MYOM2: variants seen among roughly 807,000 people sequenced by gnomAD.
The protein encoded by MYOM2 is myomesin 2.
MYOM2 carries 254 observed loss-of-function variants against 187.6 expected under a neutral mutation model. The ratio of observed to expected loss-of-function variants is 1.35; its 90% confidence interval spans 1.22 to 1.50. MYOM2 has a LOEUF of 1.50. MYOM2 is among the 40% of genes most tolerant of loss of function. MYOM2 has a pLI of 0.00. For synonymous variants in MYOM2, 981 were observed against 753.8 expected (o/e 1.30, Z -4.94); for missense variants, 2,796 against 1,924.0 (o/e 1.45, Z -8.48).
intron 32 of MYOM2, among the ~76,000 whole-genome samples, chr8:2,129,743 C>T (rs553241589): frequency 1.6e-4 from 25 of 152,300 alleles, no homozygotes; most frequent in African/African-American, 5.5e-4. Flanking sequence ...AGAAAACTAC[C>T]AGAGACTTCT....
In MYOM2 at chr8:2,096,437, C is replaced by A. The variant is rs762262377; in HGVS notation, c.2313+3C>A. 4 of 1,613,214 alleles carry A rather than the reference C, an allele frequency of 2.5e-6. No homozygotes were observed. In the African/African-American group the frequency reaches 5.3e-5, roughly 22 times the overall value. On this transcript the variant is annotated splice_donor_region_variant and intron_variant, in intron 18 of 36. Coordinates refer to ENST00000262113, the MANE Select transcript of MYOM2 (RefSeq NM_003970.4). Reference sequence around the variant, plus strand: ...CCAGCAAACCGACAATCCTAACGGTCAGTTGGTTTTTATTCCTTCGTCTAT... The same window carrying A: ...CCAGCAAACCGACAATCCTAACGGTAAGTTGGTTTTTATTCCTTCGTCTAT...
At chr8:2,061,649 A>C (rs1040979380) in intron 6 of MYOM2, among the ~76,000 whole-genome samples, 2 of 152,276 alleles carry the variant, frequency 1.3e-5, no homozygotes, top group African/African-American at 4.8e-5. Context: ...AGGAGCCTGC[A>C]TGGGGCCTGG....
intron 8 of MYOM2, among the ~76,000 whole-genome samples, chr8:2,070,029 C>A (rs1438825621): frequency 6.6e-6 from 1 of 152,192 alleles, no homozygotes; most frequent in Non-Finnish European, 1.5e-5. Context: ...CTAGGACCTG[C>A]CCTGGCCCTG....
At chr8:2,106,057 A>G (rs1796876834) in intron 21 of MYOM2, among the ~76,000 whole-genome samples, 185 bp from the exon 22 acceptor site, 2 of 152,176 alleles carry the variant, frequency 1.3e-5, no homozygotes, top group African/African-American at 4.8e-5. Context: ...AGTCACTATC[A>G]TGAGGACAGC....
At chr8:2,052,910 G>A (rs146392117) in intron 3 of MYOM2, among the ~76,000 whole-genome samples, 67 of 152,322 alleles carry the variant, frequency 4.4e-4, no homozygotes, top group African/African-American at 1.4e-3. Flanking sequence ...GAGGCAGCTC[G>A]TGGGGTGAAA....
rs1157882934 is a variant in MYOM2 at position 2,124,163 on chromosome 8, C to A, written c.3656-16C>A. On this transcript the variant is annotated splice_polypyrimidine_tract_variant and intron_variant, in intron 30 of 36. Coordinates refer to ENST00000262113, the MANE Select transcript of MYOM2 (RefSeq NM_003970.4). ...AGTTACATGTCGTAATGGTGCGTAT[C>A]CCTTCTCATTTTCAGTGTATGATGA... is the stretch of plus-strand genomic sequence containing the variant. 2 of 1,609,606 alleles carry A rather than the reference C, an allele frequency of 1.2e-6. No homozygotes were observed. The highest frequency in any genetic ancestry group is 8.5e-7 in the Non-Finnish European group (1 of 1,177,274).
rs779936406 is a variant in MYOM2 at position 2,072,344 on chromosome 8, G to A, written c.794-1G>A. The A allele has an allele frequency of 6.2e-7, 1 of 1,612,718 alleles. No homozygotes were observed. The highest frequency in any genetic ancestry group is 1.3e-5 in the African/African-American group (1 of 74,602). ...TGAAAGCCTCCATCGTTTCTGTGCA[G>A]TGCCCCTGTCATCGATGATTCCGTA... is the stretch of plus-strand genomic sequence containing the variant. On this transcript the variant is annotated splice_acceptor_variant, in intron 8 of 36. Transcript: ENST00000262113. LOFTEE classifies it high-confidence loss of function.
chr8:2,059,263 G>A lies in MYOM2; in HGVS notation c.653+18G>A, dbSNP rs375190907. ...ATCAACAGGTATGGCTGTGGTGGGG[G>A]CTCTGGACGCTGGCGTCCAGTAATC... On this transcript the variant is annotated intron_variant, in intron 6 of 36. Coordinates refer to ENST00000262113, the MANE Select transcript of MYOM2 (RefSeq NM_003970.4). 7 of 1,608,048 alleles carry A rather than the reference G, an allele frequency of 4.4e-6. No homozygotes were observed. The highest frequency in any genetic ancestry group is 1.3e-5 in the African/African-American group (1 of 74,832).
intron 28 of MYOM2, chr8:2,118,983 A>C (rs545099900): frequency 6.6e-6 from 1 of 152,242 alleles, no homozygotes; most frequent in African/African-American, 2.4e-5. Context: ...GTGAGAGGGA[A>C]GTGTACTGGA....
intron 13 of MYOM2, among the ~76,000 whole-genome samples, chr8:2,084,547 C>G (rs1051336050): frequency 6.6e-6 from 1 of 152,184 alleles, no homozygotes; most frequent in Non-Finnish European, 1.5e-5. Flanking sequence ...CACCTCCACT[C>G]CTTATGAAAA....
In MYOM2 at chr8:2,140,836, T is replaced by C; in HGVS notation, c.3914T>C (p.Ile1305Thr). 2 of 1,614,022 alleles carry C rather than the reference T, an allele frequency of 1.2e-6. No individual in the cohort carries two copies. Among genetic ancestry groups the C allele is most frequent in the Non-Finnish European group, 1.7e-6 (2 of 1,179,958 alleles). The change falls in exon 33 of 37, where the codon ATT becomes ACT. Residue 1305 changes from isoleucine to threonine, a missense_variant. By Grantham distance (89) the Ile-to-Thr change is moderately conservative (BLOSUM62 -1). Coordinates refer to ENST00000262113, the MANE Select transcript of MYOM2 (RefSeq NM_003970.4). Reference sequence around the variant, plus strand: ...GATAAAGGAAAATACACTTTTGAGATTTTCGATGGCAAAGACAACCATCAA... The same window carrying C: ...GATAAAGGAAAATACACTTTTGAGACTTTCGATGGCAAAGACAACCATCAA... Reference protein sequence around the residue: ...EKDKGKYTFEIFDGKDNHQRS... With the variant: ...EKDKGKYTFETFDGKDNHQRS...
rs1796692865 is a variant in MYOM2 at position 2,101,042 on chromosome 8, C to A, written c.2607C>A (p.Ser869Arg). ...WITVNQTTTA[S>R]RYLKVSDLQQ... ...CTGTCAATCAGACGACAACAGCCAG[C>A]CGTTATTTAAAGGTAAGTCTTGGCC... is the stretch of plus-strand genomic sequence containing the variant. The change falls in exon 20 of 37, where the codon AGC becomes AGA. Residue 869 changes from serine to arginine, a missense_variant. By Grantham distance (110) the Ser-to-Arg change is moderately radical (BLOSUM62 -1). Coordinates refer to ENST00000262113, the MANE Select transcript of MYOM2 (RefSeq NM_003970.4). 2.5e-6 allele frequency: 4 copies of A among 1,614,032 alleles called. No individual in the cohort carries two copies. The highest frequency in any genetic ancestry group is 3.4e-6 in the Non-Finnish European group (4 of 1,180,000).
chr8:2,084,163 C>G (rs890605623), intron 13 of MYOM2, among the ~76,000 whole-genome samples: 13 of 152,134 alleles, frequency 8.5e-5, no homozygotes, highest in African/African-American at 1.2e-4. Flanking sequence ...TAGGTGTGGA[C>G]ACGGTGCACG....
chr8:2,144,779 A>G lies in MYOM2; in HGVS notation c.4196A>G (p.Lys1399Arg). ...EHFSVKVEQA[K>R]YVSMTIKGVT... is the part of the protein sequence containing the mutation. ...TTCTCGGTGAAGGTGGAGCAGGCCA[A>G]GTACGTCAGCATGACCATCAAAGGC... is the stretch of plus-strand genomic sequence containing the variant. Residue 1399 changes from lysine (K) to arginine (R), a missense_variant, in exon 37 of 37, where the codon AAG (lysine) becomes AGG (arginine). Coordinates refer to ENST00000262113, the MANE Select transcript of MYOM2 (RefSeq NM_003970.4). 1 of 1,614,224 alleles carries G rather than the reference A, an allele frequency of 6.2e-7. No homozygotes were observed. The highest frequency in any genetic ancestry group is 8.5e-7 in the Non-Finnish European group (1 of 1,180,048).
At chr8:2,136,013 G>A (rs1312880624) in intron 32 of MYOM2, among the ~76,000 whole-genome samples, 1 of 152,202 alleles carries the variant, frequency 6.6e-6, no homozygotes, top group Non-Finnish European at 1.5e-5. Flanking sequence ...GCAGACGCAG[G>A]GACAGCGGGA....
In MYOM2 at chr8:2,074,050, G is replaced by A. The variant is rs978304573; in HGVS notation, c.1120+550G>A. Among the ~76,000 whole-genome samples the A allele has an allele frequency of 3.3e-5, 5 of 152,206 alleles. 1 individual carries two copies. Among genetic ancestry groups the A allele is most frequent in the Admixed American group, 1.3e-4 (2 of 15,280 alleles). ...CACCAGACGCTTTATGTCAGGCAGTGTGCTGGGGTCCTACACGGATTTCGT... is the reference window on the plus strand; with the variant it reads ...CACCAGACGCTTTATGTCAGGCAGTATGCTGGGGTCCTACACGGATTTCGT... On this transcript the variant is annotated intron_variant, in intron 10 of 36. Transcript: ENST00000262113.
At position 2,085,431 on chromosome 8, in the gene MYOM2, A is replaced by G. The variant is rs202109928; in HGVS notation, c.1644+41A>G. On this transcript the variant is annotated intron_variant, in intron 14 of 36. Coordinates refer to ENST00000262113, the MANE Select transcript of MYOM2 (RefSeq NM_003970.4). ...GTGTCCTGGAAAAGTAGATCTCTGC[A>G]TGGCCCCCCACTGTCATGATCTCTG... is the stretch of plus-strand genomic sequence containing the variant. 3,691 of 1,519,880 alleles carry G rather than the reference A, an allele frequency of 2.4e-3. 12 individuals are homozygous for G. The highest frequency in any genetic ancestry group is 2.8e-3 in the Non-Finnish European group (3,153 of 1,123,080). 94.1% of individuals were successfully genotyped at this position (1,519,880 alleles called of 1,614,324 possible).
chr8:2,057,930 A>G (rs2129329544), intron 5 of MYOM2, 150 bp downstream of exon 5: 1 of 765,318 alleles, frequency 1.3e-6, no homozygotes, highest in Non-Finnish European at 1.9e-6. Flanking sequence ...GAAGCTCTGA[A>G]CGTTCACTTT....
intron 17 of MYOM2, among the ~76,000 whole-genome samples, chr8:2,095,710 C>T (rs1466765228): frequency 5.9e-5 from 9 of 152,184 alleles, no homozygotes; most frequent in Admixed American, 2.0e-4. Context: ...CATCCGTTCT[C>T]GACCTGTTAG....
Sources: allele counts gnomAD v4.1 joint callset (sites outside exome capture counted in the v4.1 genomes callset), GRCh38; gene constraint gnomAD v4.1.1; transcripts MANE v1.5; gene names NCBI Gene and HGNC (gene_info 2026-07-23, HGNC 2026-07-21).